Variants in DNAJC9 observed in about 807,000 individuals in gnomAD.
DNAJC9 encodes the protein dnaJ homolog subfamily C member 9.
In DNAJC9, 18 loss-of-function variants were observed where a neutral mutation model predicts 32.4. The observed-to-expected ratio is 0.56, with a 90% CI of 0.38 to 0.82. The LOEUF is 0.82. DNAJC9 is among the 40% of genes least tolerant of loss of function. The pLI, the probability that DNAJC9 is intolerant of heterozygous loss-of-function variation, is 0.00. For missense variants in DNAJC9, 310 were observed against 321.8 expected, an observed-to-expected ratio of 0.96 and a Z score of 0.28; for synonymous variants, 113 against 122.1, an observed-to-expected ratio of 0.93 and a Z score of 0.49.
rs2133423133 is a variant in DNAJC9 at position 73,242,418 on chromosome 10, A to G, written c.*982T>C. ...TATGGCTTGCCTTTCAAAGTTAAAG[A>G]ATCAGAAAGGGGCCTGTAAGAAGTC... On this transcript the variant is annotated 3_prime_UTR_variant, in exon 5 of 5. Transcript: ENST00000372950. The G allele has an allele frequency of 6.6e-6, 1 of 150,646 alleles. No homozygotes were observed. Among genetic ancestry groups the G allele is most frequent in the Non-Finnish European group, 1.5e-5 (1 of 67,762 alleles). The allele number at this position is 150,646 out of a possible 1,614,324, so 9.3% of individuals were successfully genotyped here.
At chr10:73,234,974 T>G, downstream of DNAJC9, 1 of 1,549,358 alleles carries the variant, frequency 6.5e-7, no homozygotes, top group Non-Finnish European at 8.7e-7. Flanking sequence ...TCCATGTACT[T>G]ACCATACAAC....
Position 73,246,054 on chromosome 10 carries a change from C to A in DNAJC9, c.444G>T (p.Val148=). Residue 148 remains valine, a synonymous_variant, in exon 3 of 5, where the codon GTG becomes GTT. Transcript: ENST00000372950. The part of the protein sequence containing the change: ...KGDMDQIMES[V]LCVQYTEEPR... Reference sequence around the variant, plus strand: ...GTTCCTCTGTGTACTGCACGCAAAGCACAGACTCCATGATCTGATCCATGT... The same window carrying A: ...GTTCCTCTGTGTACTGCACGCAAAGAACAGACTCCATGATCTGATCCATGT... 1 of 1,613,852 alleles carries A rather than the reference C, an allele frequency of 6.2e-7. No homozygotes were observed. Among genetic ancestry groups the A allele is most frequent in the Non-Finnish European group, 8.5e-7 (1 of 1,179,874 alleles).
At chr10:73,239,291 G>A, downstream of DNAJC9, 1 of 1,545,222 alleles carries the variant, frequency 6.5e-7, no homozygotes, top group Non-Finnish European at 8.8e-7. Context: ...CATAAGAAGT[G>A]TCTCCTCTTT....
At chr10:73,244,931 A>G (rs2043990277) in intron 3 of DNAJC9, among the ~76,000 whole-genome samples, 1 of 152,210 alleles carries the variant, frequency 6.6e-6, no homozygotes, top group African/African-American at 2.4e-5. Context: ...GGTTTGTTGA[A>G]CAGTCTATCA....
chr10:73,235,373 G>A (rs1241250501), downstream of DNAJC9: 6 of 1,546,930 alleles, frequency 3.9e-6, no homozygotes, highest in African/African-American at 2.7e-5. Context: ...GAAAAGGTGG[G>A]GGGAATAATA....
downstream of DNAJC9, chr10:73,239,302 T>G: frequency 6.4e-7 from 1 of 1,550,756 alleles, no homozygotes; most frequent in Non-Finnish European, 8.7e-7. Flanking sequence ...TCTCCTCTTT[T>G]GTCTTGTAGC....
chr10:73,241,129 T>C (rs2043943042), downstream of DNAJC9: 1 of 721,546 alleles, frequency 1.4e-6, no homozygotes, highest in African/African-American at 1.8e-5. Context: ...GAAATCATCT[T>C]CATGAAGAGT....
intron 2 of DNAJC9, chr10:73,232,937 A>T (rs1156661406): frequency 1.3e-6 from 2 of 1,530,650 alleles, no homozygotes; most frequent in African/African-American, 2.8e-5. Flanking sequence ...TTTGGCTACT[A>T]GAGATCTTGA....
chr10:73,242,620 A>G lies in DNAJC9; in HGVS notation c.*780T>C, dbSNP rs2043967444. 1 of 152,230 alleles carries G rather than the reference A, an allele frequency of 6.6e-6. No individual in the cohort carries two copies. The highest frequency in any genetic ancestry group is 2.1e-4 in the South Asian group (1 of 4,828). 9.4% of individuals were successfully genotyped at this position (152,230 alleles called of 1,614,324 possible). ...CAGATTCAGACAAGCTCAGTGGCCC[A>G]ACTGAAGACATTCAGCAATTAATGG... is the stretch of plus-strand genomic sequence containing the variant. On this transcript the variant is annotated 3_prime_UTR_variant, in exon 5 of 5. Transcript: ENST00000372950.
In DNAJC9 at chr10:73,246,985, G is replaced by C. The variant is rs550735189; in HGVS notation, c.180+25C>G. On this transcript the variant is annotated intron_variant, in intron 1 of 4. Transcript: ENST00000372950. ...TAGGGGGAGGCCCGCGCAGCCGGTC[G>C]GCTTCGGGGCGGGACCCTGCATACC... 105 of 1,548,442 alleles carry C rather than the reference G, an allele frequency of 6.8e-5. No individual in the cohort carries two copies. The Middle Eastern group carries it at 1.4e-3, about 21-fold the overall frequency.
chr10:73,241,384 C>T, downstream of DNAJC9: 1 of 237,222 alleles, frequency 4.2e-6, no homozygotes, highest in Non-Finnish European at 8.4e-6. Context: ...AGCAGCAAAT[C>T]ATCAGTGACA....
In DNAJC9 at chr10:73,247,051, C is replaced by T; in HGVS notation, c.139G>A (p.Val47Met). ...KVSLQVHPDR[V>M]GEGDKEDATR... ...GCGTCCTCCTTGTCGCCCTCACCCA[C>T]CCGGTCCGGGTGTACCTGCAGGGAC... The change falls in exon 1 of 5, where the codon GTG (valine) becomes ATG (methionine). Residue 47 changes from valine (V) to methionine (M), a missense_variant. Transcript: ENST00000372950. 5 of 1,570,054 alleles carry T rather than the reference C, an allele frequency of 3.2e-6. No individual in the cohort carries two copies. The highest frequency in any genetic ancestry group is 4.3e-6 in the Non-Finnish European group (5 of 1,157,846).
downstream of DNAJC9, chr10:73,235,353 G>T: frequency 6.5e-7 from 1 of 1,549,626 alleles, no homozygotes; most frequent in Non-Finnish European, 8.7e-7. Context: ...GGTCTTGATA[G>T]TTGGGGAAAG....
In DNAJC9 at chr10:73,243,527, A is replaced by G; in HGVS notation, c.664-8T>C. On this transcript the variant is annotated splice_region_variant and splice_polypyrimidine_tract_variant and intron_variant, in intron 4 of 4. Transcript: ENST00000372950. ...CCGATCCTTTTGTCTGCTCTGTTTG[A>G]GAAGTTAAAACACAAGCTTTCACAA... The G allele has an allele frequency of 6.2e-7, 1 of 1,613,900 alleles. No individual in the cohort carries two copies. Among genetic ancestry groups the G allele is most frequent in the Non-Finnish European group, 8.5e-7 (1 of 1,179,972 alleles).
chr10:73,244,124 A>G (rs1247632326), intron 3 of DNAJC9, 195 bp from the exon 4 acceptor site: 3 of 570,878 alleles, frequency 5.3e-6, no homozygotes, highest in Non-Finnish European at 9.3e-6. Context: ...TCTGATTCCA[A>G]TTACCATTTG....
At chr10:73,239,503 C>T (rs1182932667), downstream of DNAJC9, 2 of 721,536 alleles carry the variant, frequency 2.8e-6, no homozygotes, top group Non-Finnish European at 4.5e-6. Flanking sequence ...TAATGTTTTC[C>T]CACATCTTTG....
Position 73,247,239 on chromosome 10 carries a change from G to C in DNAJC9, c.-50C>G. 1 of 1,554,608 alleles carries C rather than the reference G, an allele frequency of 6.4e-7. No homozygotes were observed. Among genetic ancestry groups the C allele is most frequent in the Non-Finnish European group, 8.7e-7 (1 of 1,149,514 alleles). ...GGAAGCAGCCGCTCCCAGCTGCGCCGGGTACAACCCAGGACTGCTTCTTTT... is the reference window on the plus strand; with the variant it reads ...GGAAGCAGCCGCTCCCAGCTGCGCCCGGTACAACCCAGGACTGCTTCTTTT... On this transcript the variant is annotated 5_prime_UTR_variant, in exon 1 of 5. Transcript: ENST00000372950.
downstream of DNAJC9, among the ~76,000 whole-genome samples, chr10:73,237,780 T>C (rs1418837718): frequency 6.6e-6 from 1 of 151,688 alleles, no homozygotes; most frequent in Non-Finnish European, 1.5e-5. Flanking sequence ...GGCTGGAGTG[T>C]AGTGGTGCAA....
chr10:73,242,248 G>T lies in DNAJC9; in HGVS notation c.*1152C>A, dbSNP rs2043963334. On this transcript the variant is annotated 3_prime_UTR_variant, in exon 5 of 5. Transcript: ENST00000372950. The stretch of plus-strand genomic sequence containing the variant: ...GCTAAAGGCTTACTTTATGCATACG[G>T]TATATTTAATAGTCTACAAATCAAA... The T allele has an allele frequency of 1.3e-5, 2 of 152,066 alleles. No homozygotes were observed. Among genetic ancestry groups the T allele is most frequent in the Non-Finnish European group, 2.9e-5 (2 of 68,012 alleles). 9.4% of individuals were successfully genotyped at this position (152,066 alleles called of 1,614,324 possible). A position where few individuals can be genotyped will look rare whatever the true frequency, so the allele number is the denominator to read the frequency against.
Sources: allele counts gnomAD v4.1 joint callset (sites outside exome capture counted in the v4.1 genomes callset), GRCh38; gene constraint gnomAD v4.1.1; transcripts MANE v1.5; gene names NCBI Gene and HGNC (gene_info 2026-07-23, HGNC 2026-07-21).